Variants in CTSE observed in about 807,000 individuals in gnomAD.
CTSE encodes the protein erythrocyte membrane aspartic proteinase.
In CTSE, 43 loss-of-function variants were observed where a neutral mutation model predicts 42.8. The ratio of observed to expected loss-of-function variants is 1.01; its 90% CI spans 0.79 to 1.30. CTSE has a LOEUF of 1.30. Ranked by LOEUF, CTSE falls within the 50% of genes most tolerant of loss-of-function variation. The pLI, the probability that CTSE is intolerant of heterozygous loss-of-function variation, is 0.00. For synonymous variants in CTSE, 205 were observed against 191.5 expected (o/e 1.07, Z -0.58); for missense variants, 532 against 493.5 (o/e 1.08, Z -0.74).
intron 5 of CTSE, 139 bp downstream of exon 5, chr1:206,015,792 T>C: frequency 1.4e-6 from 1 of 712,580 alleles, no homozygotes; most frequent in South Asian, 1.9e-5. Context: ...TCAGAGAGGT[T>C]AAATGTTTTG....
rs184913451 is a variant in CTSE at position 206,011,366 on chromosome 1, C to T, written c.1026+942G>A. Among the ~76,000 whole-genome samples, 178 of 152,066 alleles carry T rather than the reference C, an allele frequency of 1.2e-3. 1 individual carries two copies. Among genetic ancestry groups the T allele is most frequent in the Non-Finnish European group, 2.0e-3 (134 of 67,974 alleles). On this transcript the variant is annotated intron_variant, in intron 8 of 8. Coordinates refer to ENST00000358184, the MANE Select transcript of CTSE (RefSeq NM_001910.4). Reference sequence around the variant, plus strand: ...AGTGATTTCCACCTGGGCAGGGACTCAACTCACGTGGGGGAAGGTGAGAGT... The same window carrying T: ...AGTGATTTCCACCTGGGCAGGGACTTAACTCACGTGGGGGAAGGTGAGAGT...
chr1:206,021,329 A>G, intron 3 of CTSE, 162 bp from the exon 4 acceptor site: 2 of 631,880 alleles, frequency 3.2e-6, no homozygotes, highest in Admixed American at 5.4e-5. Flanking sequence ...ATGAACAACT[A>G]CATTTCCCTC....
At chr1:206,022,409 C>A in intron 2 of CTSE, 142 bp from the exon 3 acceptor site, 2 of 572,572 alleles carry the variant, frequency 3.5e-6, no homozygotes, top group Non-Finnish European at 6.2e-6. Context: ...GAAGTGGCAA[C>A]GCTGGAAAAT....
chr1:206,018,817 CAA>C (rs1661331365), intron 4 of CTSE, among the ~76,000 whole-genome samples: 1 of 151,878 alleles, frequency 6.6e-6, no homozygotes, highest in African/African-American at 2.4e-5. Context: ...TTACTCTTTG[CAA>C]AGAGTTCATT....
rs781865454 is a variant in CTSE, at chr1:206,012,355, T to C, written c.979A>G (p.Ile327Val). 9.3e-6 allele frequency: 15 copies of C among 1,613,798 alleles called. No individual in the cohort carries two copies. In the African/African-American group the frequency reaches 1.9e-4, roughly 20 times the overall value. ...LNVMPDVTFT[I>V]NGVPYTLSPT... ...CTGAGGGTATAGGGGACTCCGTTAA[T>C]GGTGAAGGTGACATCCGGCATGACG... The change falls in exon 8 of 9, where the codon ATT becomes GTT. Residue 327 changes from isoleucine to valine, a missense_variant. Ile to Val is a conservative substitution (Grantham distance 29). Coordinates refer to ENST00000358184, the MANE Select transcript of CTSE (RefSeq NM_001910.4).
intron 5 of CTSE, among the ~76,000 whole-genome samples, chr1:206,015,372 G>A (rs797029160): frequency 8.5e-5 from 13 of 152,240 alleles, no homozygotes; most frequent in African/African-American, 3.1e-4. Flanking sequence ...CCTCACCTAA[G>A]TGGAATCATA....
chr1:206,012,225 C>G, intron 8 of CTSE, 83 bp downstream of exon 8: 2 of 1,166,504 alleles, frequency 1.7e-6, no homozygotes, highest in Non-Finnish European at 2.5e-6. Context: ...TAAAGGCGGG[C>G]AAAGTGCAGG....
At chr1:206,019,765 T>C (rs1661359809) in intron 4 of CTSE, among the ~76,000 whole-genome samples, 1 of 145,888 alleles carries the variant, frequency 6.9e-6, no homozygotes, top group African/African-American at 2.5e-5. Flanking sequence ...TATATACACA[T>C]TACATATATA....
At chr1:206,022,672 C>G (rs1553278628) in intron 2 of CTSE, among the ~76,000 whole-genome samples, 1 of 151,988 alleles carries the variant, frequency 6.6e-6, no homozygotes, top group Admixed American at 6.5e-5. Flanking sequence ...TGGGATGATG[C>G]TTTCACTCCC....
intron 4 of CTSE, 27 bp from the exon 5 acceptor site, chr1:206,016,157 C>G (rs782730913): frequency 9.3e-6 from 15 of 1,605,572 alleles, no homozygotes; most frequent in Non-Finnish European, 1.2e-5. Flanking sequence ...CACAGGAGAA[C>G]AGGAGAATGG....
Position 206,010,124 on chromosome 1 carries a change from C to T in CTSE, c.*59G>A. 1.2e-6 allele frequency: 2 copies of T among 1,603,464 alleles called. No individual in the cohort carries two copies. The highest frequency in any genetic ancestry group is 1.7e-6 in the Non-Finnish European group (2 of 1,171,168). The stretch of plus-strand genomic sequence containing the variant: ...TAACTTTTTGTAGGTGTAAAGAATG[C>T]CCCAGCCTAACATATTCAAGGTCTG... On this transcript the variant is annotated 3_prime_UTR_variant, in exon 9 of 9. Transcript: ENST00000358184.
chr1:206,016,036 C>T lies in CTSE; in HGVS notation c.557G>A (p.Gly186Asp). The change falls in exon 5 of 9, where the codon GGC becomes GAC. Residue 186 changes from glycine (G) to aspartate (D), a missense_variant. Coordinates refer to ENST00000358184, the MANE Select transcript of CTSE (RefSeq NM_001910.4). ...CACAGCCAAGGAGGGGTATCCCAGG[C>T]CCAGAATTCCATCAAACTCTGCATC... is the stretch of plus-strand genomic sequence containing the variant. ...FVDAEFDGILGLGYPSLAVGG... is the reference protein window; with the variant it reads ...FVDAEFDGILDLGYPSLAVGG... 1 of 1,613,908 alleles carries T rather than the reference C, an allele frequency of 6.2e-7. No individual in the cohort carries two copies. The highest frequency in any genetic ancestry group is 8.5e-7 in the Non-Finnish European group (1 of 1,179,884).
chr1:206,021,151 G>T lies in CTSE; in HGVS notation c.360C>A (p.Phe120Leu). Residue 120 changes from phenylalanine (F) to leucine (L), a missense_variant, in exon 4 of 9, where the codon TTC becomes TTA. By Grantham distance (22) the Phe-to-Leu change is conservative (BLOSUM62 0). Transcript: ENST00000358184. The part of the protein sequence containing the change: ...TSPACKTHSR[F>L]QPSQSSTYSQ... ...TGTATGTGCTGGACTGGGAAGGCTG[G>T]AACCTGCTGTGCGTCTCTGGAAAGA... 1 of 1,612,980 alleles carries T rather than the reference G, an allele frequency of 6.2e-7. No individual in the cohort carries two copies. The highest frequency in any genetic ancestry group is 8.5e-7 in the Non-Finnish European group (1 of 1,179,026).
intron 4 of CTSE, among the ~76,000 whole-genome samples, chr1:206,020,150 T>C (rs1661375459): frequency 6.8e-6 from 1 of 147,736 alleles, no homozygotes; most frequent in Non-Finnish European, 1.5e-5. Flanking sequence ...AAATATACTG[T>C]ATATTACATA....
chr1:206,020,899 C>T, intron 4 of CTSE, 150 bp downstream of exon 4: 1 of 631,854 alleles, frequency 1.6e-6, no homozygotes, highest in Non-Finnish European at 2.8e-6. Context: ...GCCACCATCT[C>T]AGGTGGGGAG....
At chr1:206,015,088 G>A (rs1661225435) in intron 5 of CTSE, among the ~76,000 whole-genome samples, 1 of 150,114 alleles carries the variant, frequency 6.7e-6, no homozygotes, top group Non-Finnish European at 1.5e-5. Context: ...AAACAGGTGA[G>A]CCTCATGACC....
intron 8 of CTSE, among the ~76,000 whole-genome samples, chr1:206,012,066 T>C (rs1329833073): frequency 6.6e-6 from 1 of 152,102 alleles, no homozygotes; most frequent in African/African-American, 2.4e-5. Context: ...TCAGAAGACT[T>C]CCTTAAATGG....
Position 206,023,854 on chromosome 1 carries a change from G to GA in CTSE, c.-64dup. On this transcript the variant is annotated 5_prime_UTR_variant, in exon 1 of 9. Transcript: ENST00000358184. ...TTTCTTCTCTCCCCGAGGGCAGTGG[G>GA]AACGGACTTTCCCTAACTCTCAGAC... 6.5e-7 allele frequency: 1 copy of GA among 1,550,222 alleles called. No homozygotes were observed. The highest frequency in any genetic ancestry group is 8.9e-7 in the Non-Finnish European group (1 of 1,125,076).
At position 206,021,156 on chromosome 1, in the gene CTSE, T is replaced by C. The variant is rs1661407183; in HGVS notation, c.355A>G (p.Arg119Gly). 2 of 1,612,314 alleles carry C rather than the reference T, an allele frequency of 1.2e-6. No individual in the cohort carries two copies. The highest frequency in any genetic ancestry group is 1.3e-5 in the African/African-American group (1 of 75,016). The change falls in exon 4 of 9, where the codon AGG (arginine) becomes GGG (glycine). Residue 119 changes from arginine to glycine, a missense_variant. Arg to Gly is a moderately radical substitution (Grantham distance 125). Transcript: ENST00000358184. ...CTSPACKTHSRFQPSQSSTYS... is the reference protein window; with the variant it reads ...CTSPACKTHSGFQPSQSSTYS... Reference sequence around the variant, plus strand: ...GTGCTGGACTGGGAAGGCTGGAACCTGCTGTGCGTCTCTGGAAAGAAGTGC... The same window carrying C: ...GTGCTGGACTGGGAAGGCTGGAACCCGCTGTGCGTCTCTGGAAAGAAGTGC...
Sources: allele counts gnomAD v4.1 joint callset (sites outside exome capture counted in the v4.1 genomes callset), GRCh38; gene constraint gnomAD v4.1.1; transcripts MANE v1.5; gene names NCBI Gene and HGNC (gene_info 2026-07-23, HGNC 2026-07-21).